PPP2R3B: variants seen among roughly 807,000 people sequenced by gnomAD.
PPP2R3B encodes protein phosphatase 2 regulatory subunit B''beta, also known as serine/threonine-protein phosphatase 2A regulatory subunit B'' subunit beta.
A neutral mutation model predicts 72.9 loss-of-function variants in PPP2R3B; 68 were observed. That is an observed-to-expected ratio of 0.93 (90% CI 0.77 to 1.14). The LOEUF is 1.14. Ranked by LOEUF, PPP2R3B falls within the 50% of genes most tolerant of loss-of-function variation. PPP2R3B has a pLI of 0.00. For synonymous variants in PPP2R3B, 466 were observed against 375.8 expected (o/e 1.24, Z -2.78); for missense variants, 1,018 against 842.0 (o/e 1.21, Z -2.59).
intron 5 of PPP2R3B, 181 bp downstream of exon 5, chrX:346,520 C>T: frequency 1.5e-6 from 1 of 664,436 alleles, no homozygotes; most frequent in Non-Finnish European, 2.5e-6. Flanking sequence ...CCCGGAAAAC[C>T]AGAGTCCCCC....
chrX:386,447 G>A lies in PPP2R3B; in HGVS notation c.245C>T (p.Ala82Val), dbSNP rs1422129819. ...EPPGTPGPGP[A>V]LPLGAASSPR... The stretch of plus-strand genomic sequence containing the variant: ...GCTGGAGGCGGCGCCCAGGGGCAGC[G>A]CAGGGCCCGGCCCGGGGGTTCCCGG... The change falls in exon 1 of 13, where the codon GCG (alanine) becomes GTG (valine). Residue 82 changes from alanine to valine, a missense_variant. Coordinates refer to ENST00000390665, the MANE Select transcript of PPP2R3B (RefSeq NM_013239.5). 3.8e-6 allele frequency: 5 copies of A among 1,313,212 alleles called. No individual in the cohort carries two copies. The highest frequency in any genetic ancestry group is 1.5e-5 in the African/African-American group (1 of 66,222). The allele number at this position is 1,313,212 out of a possible 1,614,324, so 81.3% of individuals were successfully genotyped here.
In PPP2R3B at chrX:345,599, A is replaced by G. The variant is rs1362551189; in HGVS notation, c.953T>C (p.Val318Ala). The G allele has an allele frequency of 1.9e-6, 3 of 1,613,244 alleles. No homozygotes were observed. The highest frequency in any genetic ancestry group is 3.3e-5 in the Admixed American group (2 of 59,988). Reference protein sequence around the residue: ...TEFFSYEHFYVIYCKFWELDT... With the variant: ...TEFFSYEHFYAIYCKFWELDT... ...CAGCTCCCAGAACTTGCAGTAGATG[A>G]CGTAGAAATGCTCGTACGAGAAGAA... Residue 318 changes from valine (V) to alanine (A), a missense_variant, in exon 7 of 13, where the codon GTC becomes GCC. Transcript: ENST00000390665.
Position 386,482 on chromosome X carries a change from C to A in PPP2R3B, c.210G>T (p.Gly70=). 7.8e-7 allele frequency: 1 copy of A among 1,278,126 alleles called. No individual in the cohort carries two copies. The highest frequency in any genetic ancestry group is 3.0e-5 in the South Asian group (1 of 32,892). 79.2% of individuals were successfully genotyped at this position (1,278,126 alleles called of 1,614,324 possible). ...TAPLAAPRPS[G]LEPPGTPGPG... is the part of the protein sequence containing the mutation. ...GCCCGGGGGTTCCCGGGGGTTCGAG[C>A]CCGCTGGGCCGGGGGGCGGCGAGCG... is the stretch of plus-strand genomic sequence containing the variant. Residue 70 remains glycine, a synonymous_variant, in exon 1 of 13, where the codon GGG becomes GGT. Transcript: ENST00000390665.
At chrX:370,235 G>A (rs2124332498) in intron 1 of PPP2R3B, among the ~76,000 whole-genome samples, 1 of 152,310 alleles carries the variant, frequency 6.6e-6, no homozygotes, top group South Asian at 2.1e-4. Flanking sequence ...GGTGTGGAGG[G>A]GTCAACACAG....
At position 341,303 on chromosome X, in the gene PPP2R3B, C is replaced by T. The variant is rs201969968; in HGVS notation, c.1175+4G>A. 1,940 of 1,612,488 alleles carry T rather than the reference C, an allele frequency of 1.2e-3. 3 individuals are homozygous for T. The highest frequency in any genetic ancestry group is 1.5e-3 in the Non-Finnish European group (1,713 of 1,179,734). The stretch of plus-strand genomic sequence containing the variant: ...GACAAACGCATGCCGCAGCAGGAAC[C>T]CACCTGGTCGGTGTTTTTTTGTCTT... On this transcript the variant is annotated splice_donor_region_variant and intron_variant, in intron 9 of 12. Coordinates refer to ENST00000390665, the MANE Select transcript of PPP2R3B (RefSeq NM_013239.5).
intron 12 of PPP2R3B, chrX:335,297 C>G (rs1399622127): frequency 6.6e-6 from 1 of 152,348 alleles, no homozygotes; most frequent in Non-Finnish European, 1.5e-5. Flanking sequence ...CAGGCGCACA[C>G]CCATCCAGGC....
chrX:346,149 C>A (rs1485726326), intron 6 of PPP2R3B, 25 bp downstream of exon 6: 1 of 1,458,034 alleles, frequency 6.9e-7, no homozygotes, highest in South Asian at 1.3e-5. Context: ...AGGCAGGGGG[C>A]AGGGGACAGG....
At chrX:345,693 C>T in intron 6 of PPP2R3B, 21 bp from the exon 7 acceptor site, 1 of 1,610,560 alleles carries the variant, frequency 6.2e-7, no homozygotes, top group Non-Finnish European at 8.5e-7. Flanking sequence ...ACCCAGGCGG[C>T]CTGAGCGCGG....
chrX:347,406 G>A (rs1161293444), intron 3 of PPP2R3B, 70 bp from the exon 4 acceptor site: 1 of 1,459,522 alleles, frequency 6.9e-7, no homozygotes, highest in East Asian at 2.3e-5. Flanking sequence ...ACGCAGGGTG[G>A]AACACGTGTG....
intron 9 of PPP2R3B, among the ~76,000 whole-genome samples, 169 bp downstream of exon 9, chrX:341,138 A>G (rs192816838): frequency 0.018 from 239 of 13,396 alleles, 29 homozygotes; most frequent in Non-Finnish European, 0.017. Flanking sequence ...AGCCCCCACC[A>G]GGCGTGCACA....
chrX:382,179 A>G (rs1200050571), intron 1 of PPP2R3B, among the ~76,000 whole-genome samples: 5 of 147,438 alleles, frequency 3.4e-5, no homozygotes, highest in Admixed American at 2.1e-4. Context: ...TGACCTGAAC[A>G]TCTCATCTTT....
At chrX:350,363 C>T (rs1420154656) in intron 2 of PPP2R3B, among the ~76,000 whole-genome samples, 2 of 152,200 alleles carry the variant, frequency 1.3e-5, no homozygotes, top group Non-Finnish European at 2.9e-5. Flanking sequence ...CGTGCGCTCC[C>T]TGAAGGAAGG....
chrX:380,238 T>A (rs1410891918), intron 1 of PPP2R3B, among the ~76,000 whole-genome samples: 1 of 152,092 alleles, frequency 6.6e-6, no homozygotes, highest in Non-Finnish European at 1.5e-5. Context: ...ACTAAACACT[T>A]TTGCTCTTTG....
rs2071187911 is a variant in PPP2R3B, at chrX:345,666, C to T, written c.886G>A (p.Ala296Thr). Reference protein sequence around the residue: ...LRRSSFLQNVALLEEEADINQ... With the variant: ...LRRSSFLQNVTLLEEEADINQ... The stretch of plus-strand genomic sequence containing the variant: ...ATGTCCGCCTCCTCCTCCAGCAGCG[C>T]CACATTCTGCCAAAGGACCCAGGCG... The change falls in exon 7 of 13, where the codon GCG (alanine) becomes ACG (threonine). Residue 296 changes from alanine (A) to threonine (T), a missense_variant. Ala to Thr is a moderately conservative substitution (Grantham distance 58, BLOSUM62 0). Transcript: ENST00000390665. 4 of 1,612,460 alleles carry T rather than the reference C, an allele frequency of 2.5e-6. No homozygotes were observed. Among genetic ancestry groups the T allele is most frequent in the Non-Finnish European group, 3.4e-6 (4 of 1,179,298 alleles).
chrX:357,096 A>G (rs958693535), intron 2 of PPP2R3B, among the ~76,000 whole-genome samples: 12 of 152,194 alleles, frequency 7.9e-5, no homozygotes, highest in Non-Finnish European at 1.8e-4. Flanking sequence ...ACCACAGACA[A>G]AATGCTCCAA....
intron 10 of PPP2R3B, 86 bp from the exon 11 acceptor site, chrX:338,982 G>T: frequency 9.0e-7 from 1 of 1,112,968 alleles, no homozygotes; most frequent in Non-Finnish European, 1.4e-6. Context: ...CCTGTCACAC[G>T]TGCTTAAGGA....
In PPP2R3B at chrX:334,504, G is replaced by C. The variant is rs908772336; in HGVS notation, c.1591C>G (p.Leu531Val). Residue 531 changes from leucine (L) to valine (V), a missense_variant, in exon 13 of 13, where the codon CTC (leucine) becomes GTC (valine). Leu to Val is a conservative substitution (Grantham distance 32). Transcript: ENST00000390665. ...CTCAGCTTCTGCTCCACAGGGCTGA[G>C]CTCGGCCTCGAACCTGCAACGAGGG... ...EPWEDGFEAELSPVEQKLSAL... is the reference protein window; with the variant it reads ...EPWEDGFEAEVSPVEQKLSAL... 2.8e-5 allele frequency: 43 copies of C among 1,555,226 alleles called. No individual in the cohort carries two copies. Among genetic ancestry groups the C allele is most frequent in the Non-Finnish European group, 3.7e-5 (43 of 1,157,656 alleles).
intron 1 of PPP2R3B, among the ~76,000 whole-genome samples, chrX:367,548 G>C (rs1448255385): frequency 1.3e-5 from 2 of 152,100 alleles, no homozygotes; most frequent in African/African-American, 2.4e-5. Context: ...CAGGTGTGAG[G>C]CCCCGTGCCC....
chrX:364,291 G>A (rs779116790), intron 1 of PPP2R3B, among the ~76,000 whole-genome samples: 1 of 152,012 alleles, frequency 6.6e-6, no homozygotes, highest in African/African-American at 2.4e-5. Context: ...GAGCTGGGCA[G>A]GGGGGAGTTC....
Sources: allele counts gnomAD v4.1 joint callset (sites outside exome capture counted in the v4.1 genomes callset), GRCh38; gene constraint gnomAD v4.1.1; transcripts MANE v1.5; gene names NCBI Gene and HGNC (gene_info 2026-07-23, HGNC 2026-07-21).